Variants in ZBTB44 observed in about 807,000 individuals in gnomAD.
ZBTB44 encodes the protein zinc finger and BTB domain containing 44.
In ZBTB44, 15 loss-of-function variants were observed where a neutral mutation model predicts 54.0. The observed-to-expected ratio is 0.28, with a 90% CI of 0.19 to 0.43. The LOEUF is 0.43. Ranked by LOEUF, ZBTB44 falls within the 20% of genes least tolerant of loss-of-function variation. ZBTB44 has a pLI of 1.00. For missense variants in ZBTB44, 487 were observed against 707.1 expected (o/e 0.69, Z 3.53); for synonymous variants, 230 against 250.1 (o/e 0.92, Z 0.76).
intron 2 of ZBTB44, among the ~76,000 whole-genome samples, chr11:130,256,006 C>T (rs949920982): frequency 6.6e-6 from 1 of 151,474 alleles, no homozygotes; most frequent in Admixed American, 6.6e-5. Context: ...GACAGATTCA[C>T]AGCTGAATTC....
At position 130,236,825 on chromosome 11, in the gene ZBTB44, T is replaced by C; in HGVS notation, c.1536A>G (p.Glu512=). The C allele has an allele frequency of 7.3e-7, 1 of 1,370,084 alleles. No individual in the cohort carries two copies. 84.9% of individuals were successfully genotyped at this position (1,370,084 alleles called of 1,614,324 possible). The change falls in exon 5 of 8, where the codon GAA becomes GAG. Residue 512 remains glutamate (E), a synonymous_variant. Transcript: ENST00000357899. The stretch of plus-strand genomic sequence containing the variant: ...GGAAGTAGTTTGCTAGCTCTGATGC[T>C]TCATGGTTCAGACTCCTCAGGTGCA... ...LIVHLRSLNH[E]ASELANYFQS...
chr11:130,273,300 TTTC>T (rs1411720875), intron 1 of ZBTB44, among the ~76,000 whole-genome samples: 3 of 141,280 alleles, frequency 2.1e-5, no homozygotes, highest in African/African-American at 5.0e-5. Flanking sequence ...ATAAAATTAT[TTTC>T]TTAATTTTTT....
chr11:130,226,894 T>A lies in ZBTB44; in HGVS notation c.*4870A>T, dbSNP rs1953711887. The A allele has an allele frequency of 6.6e-6, 1 of 152,120 alleles. No individual in the cohort carries two copies. The highest frequency in any genetic ancestry group is 1.5e-5 in the Non-Finnish European group (1 of 68,022). The allele number at this position is 152,120 out of a possible 1,614,324, so 9.4% of individuals were successfully genotyped here. A position where few individuals can be genotyped will look rare whatever the true frequency, so the allele number is the denominator to read the frequency against. On this transcript the variant is annotated 3_prime_UTR_variant, in exon 8 of 8. Coordinates refer to ENST00000357899, the MANE Select transcript of ZBTB44 (RefSeq NM_001301098.2). Reference sequence around the variant, plus strand: ...TTTTAAAAAGATTAAACAATCAGGCTAGCAAAAAGGTACTCAATACATATT... The same window carrying A: ...TTTTAAAAAGATTAAACAATCAGGCAAGCAAAAAGGTACTCAATACATATT...
intron 1 of ZBTB44, among the ~76,000 whole-genome samples, chr11:130,277,570 T>C (rs547766340): frequency 6.6e-6 from 1 of 152,338 alleles, no homozygotes; most frequent in African/African-American, 2.4e-5. Context: ...TTTATTACAT[T>C]TCTTTGTTAT....
Position 130,234,187 on chromosome 11 carries a change from T to C in ZBTB44, c.1655A>G (p.Asn552Ser), listed in dbSNP as rs750549553. 1.6e-5 allele frequency: 25 copies of C among 1,533,852 alleles called. No individual in the cohort carries two copies. The highest frequency in any genetic ancestry group is 2.0e-5 in the Non-Finnish European group (23 of 1,140,408). Residue 552 changes from asparagine (N) to serine (S), a missense_variant, in exon 6 of 8, where the codon AAC becomes AGC. Asn to Ser is a conservative substitution (Grantham distance 46). This residue lies in a region of ZBTB44 where 120 missense variants were observed against 240.3 expected (regional missense o/e 0.50). Transcript: ENST00000357899. ...YDLGEHGFESNSSVQMPVISQ... is the reference protein window; with the variant it reads ...YDLGEHGFESSSSVQMPVISQ... The stretch of plus-strand genomic sequence containing the variant: ...AATGACAGGCATTTGAACAGAGGAG[T>C]TGCTTTCAAAACCGTGTTCTCCAAG...
intron 2 of ZBTB44, among the ~76,000 whole-genome samples, chr11:130,244,863 A>G (rs1591942497): frequency 6.6e-6 from 1 of 152,168 alleles, no homozygotes; most frequent in Non-Finnish European, 1.5e-5. Context: ...GGAAACAGGT[A>G]CATCATCCAC....
intron 2 of ZBTB44, among the ~76,000 whole-genome samples, chr11:130,258,470 AT>A (rs780973818): frequency 6.6e-6 from 1 of 152,224 alleles, no homozygotes; most frequent in Non-Finnish European, 1.5e-5. Context: ...TTCCTAAAAT[AT>A]CTGCATGTTT....
At chr11:130,258,922 C>T (rs923700278) in intron 2 of ZBTB44, among the ~76,000 whole-genome samples, 2 of 152,168 alleles carry the variant, frequency 1.3e-5, no homozygotes, top group Admixed American at 6.5e-5. Flanking sequence ...AAATCACAAG[C>T]ATTCCTGTGC....
intron 1 of ZBTB44, among the ~76,000 whole-genome samples, chr11:130,312,503 T>C (rs948815702): frequency 6.6e-6 from 1 of 152,170 alleles, no homozygotes; most frequent in African/African-American, 2.4e-5. Flanking sequence ...AACTTCCAGT[T>C]AATAGGAAAT....
intron 1 of ZBTB44, among the ~76,000 whole-genome samples, chr11:130,307,752 TA>T (rs1942360035): frequency 6.6e-6 from 1 of 152,146 alleles, no homozygotes; most frequent in African/African-American, 2.4e-5. Context: ...GGAATCACAT[TA>T]CCTGACTTCA....
At chr11:130,292,302 T>A (rs931667482) in intron 1 of ZBTB44, among the ~76,000 whole-genome samples, 5 of 152,232 alleles carry the variant, frequency 3.3e-5, no homozygotes, top group Non-Finnish European at 7.3e-5. Flanking sequence ...TGTGTTATAC[T>A]CTTAATATGG....
At position 130,314,853 on chromosome 11, in the gene ZBTB44, G is replaced by GCCGCCGCCGTTGCCGCT. The variant is rs1297582263; in HGVS notation, c.-552_-536dup. 1 of 151,248 alleles carries GCCGCCGCCGTTGCCGCT rather than the reference G, an allele frequency of 6.6e-6. No individual in the cohort carries two copies. The highest frequency in any genetic ancestry group is 1.5e-5 in the Non-Finnish European group (1 of 68,168). The allele number at this position is 151,248 out of a possible 1,614,324, so 9.4% of individuals were successfully genotyped here. A position where few individuals can be genotyped will look rare whatever the true frequency, so the allele number is the denominator to read the frequency against. ...CCGCCGCCGCGCGCGTGCGGCCGGC[G>GCCGCCGCCGTTGCCGCT]CCGCCGCCGTTGCCGCTCCGCTCAC... On this transcript the variant is annotated 5_prime_UTR_variant, in exon 1 of 8. Coordinates refer to ENST00000357899, the MANE Select transcript of ZBTB44 (RefSeq NM_001301098.2).
intron 1 of ZBTB44, among the ~76,000 whole-genome samples, chr11:130,314,132 G>A (rs957637189): frequency 6.6e-6 from 1 of 152,158 alleles, no homozygotes; most frequent in Non-Finnish European, 1.5e-5. Flanking sequence ...TGCAAAGGAC[G>A]GGCAGCTCCC....
intron 7 of ZBTB44, chr11:130,232,647 A>ATGTC (rs1953920879): frequency 6.6e-6 from 1 of 152,204 alleles, no homozygotes; most frequent in Admixed American, 6.5e-5. Context: ...TAACTTTGCA[A>ATGTC]TGTCTAAAAA....
intron 2 of ZBTB44, among the ~76,000 whole-genome samples, chr11:130,241,725 T>C (rs1327104841): frequency 3.3e-5 from 5 of 152,216 alleles, no homozygotes; most frequent in African/African-American, 1.2e-4. Flanking sequence ...AATCCTTTTC[T>C]CATTGTTATG....
At position 130,295,850 on chromosome 11, in the gene ZBTB44, T is replaced by C. The variant is rs1365405847; in HGVS notation, c.-57+18525A>G. 7 of 1,402,866 alleles carry C rather than the reference T, an allele frequency of 5.0e-6. No individual in the cohort carries two copies. The Middle Eastern group carries it at 7.4e-4, about 149-fold the overall frequency. The allele number at this position is 1,402,866 out of a possible 1,614,324, so 86.9% of individuals were successfully genotyped here. A position where few individuals can be genotyped will look rare whatever the true frequency, so the allele number is the denominator to read the frequency against. On this transcript the variant is annotated intron_variant, in intron 1 of 7. Transcript: ENST00000357899. ...ACTAGAGAATTAGCCATGCAAATTT[T>C]TGGTGTTCTTAAGGAGCTAAAGACT...
At chr11:130,242,394 G>A (rs1339480750) in intron 2 of ZBTB44, among the ~76,000 whole-genome samples, 1 of 152,010 alleles carries the variant, frequency 6.6e-6, no homozygotes, top group African/African-American at 2.4e-5. Context: ...ATATATACAT[G>A]TTCTCACATT....
chr11:130,291,780 G>A (rs979940415), intron 1 of ZBTB44, among the ~76,000 whole-genome samples: 3 of 152,124 alleles, frequency 2.0e-5, no homozygotes, highest in African/African-American at 7.2e-5. Flanking sequence ...TCCAGCATAG[G>A]TTCTTTAAAA....
At chr11:130,281,600 T>C (rs1210482911) in intron 1 of ZBTB44, among the ~76,000 whole-genome samples, 6 of 150,502 alleles carry the variant, frequency 4.0e-5, no homozygotes, top group African/African-American at 1.2e-4. Flanking sequence ...TTGTTGTTTT[T>C]TGGGGGGGGG....
Sources: allele counts gnomAD v4.1 joint callset (sites outside exome capture counted in the v4.1 genomes callset), GRCh38; gene constraint gnomAD v4.1.1; regional missense constraint gnomAD v4.1.1; transcripts MANE v1.5; gene names NCBI Gene and HGNC (gene_info 2026-07-23, HGNC 2026-07-21).